The following LRRTM4 variants were observed in gnomAD, a reference collection of about 807,000 sequenced individuals.
LRRTM4 encodes the protein leucine-rich repeat transmembrane neuronal protein 4.
LRRTM4 carries 25 observed loss-of-function variants against 47.6 expected under a neutral mutation model. The ratio of observed to expected loss-of-function variants is 0.53; its 90% CI spans 0.38 to 0.73. The LOEUF (loss-of-function observed/expected upper bound fraction) is 0.73. Ranked by LOEUF, LRRTM4 falls within the 30% of genes least tolerant of loss-of-function variation. The pLI is 0.00. For synonymous variants in LRRTM4, 311 were observed against 269.5 expected (o/e 1.15, Z -1.51); for missense variants, 638 against 713.4 (o/e 0.89, Z 1.20).
intron 3 of LRRTM4, among the ~76,000 whole-genome samples, chr2:77,153,119 C>T (rs1672473080): frequency 6.6e-6 from 1 of 152,122 alleles, no homozygotes; most frequent in Admixed American, 6.5e-5. Flanking sequence ...CTCTGCTGTC[C>T]ATTCTGCACC....
chr2:76,953,393 C>G (rs969815000), intron 3 of LRRTM4, among the ~76,000 whole-genome samples: 2 of 151,772 alleles, frequency 1.3e-5, no homozygotes, highest in East Asian at 2.0e-4. Context: ...TGCTTTGAAA[C>G]GGGCAAAAAT....
At chr2:77,127,229 G>C (rs1300330611) in intron 3 of LRRTM4, among the ~76,000 whole-genome samples, 2 of 152,038 alleles carry the variant, frequency 1.3e-5, no homozygotes, top group African/African-American at 4.8e-5. Context: ...TGCTTTCATA[G>C]GATTTTGAGC....
chr2:76,761,328 T>C lies in LRRTM4; in HGVS notation c.1552-12412A>G, dbSNP rs538154089. Among the ~76,000 whole-genome samples the C allele has an allele frequency of 3.1e-4, 47 of 152,342 alleles. 1 individual carries two copies. Among genetic ancestry groups the C allele is most frequent in the African/African-American group, 1.1e-3 (44 of 41,592 alleles). On this transcript the variant is annotated intron_variant, in intron 3 of 3. Transcript: ENST00000409884. ...CCACTAATTATTCTGTATCACCAAT[T>C]TGAGCCTCTTCACTTGGCCCTATTT...
At position 77,473,214 on chromosome 2, in the gene LRRTM4, AT is replaced by A. The variant is rs571982271; in HGVS notation, c.1551+45103del. Among the ~76,000 whole-genome samples, 23 of 152,276 alleles carry A rather than the reference AT, an allele frequency of 1.5e-4. No individual in the cohort carries two copies. In the South Asian group the frequency reaches 2.7e-3, roughly 18 times the overall value. ...AAGGAGGATACTGAATATAAAAGCA[AT>A]TTGTAAAGGGCTAAATGTTACAATA... On this transcript the variant is annotated intron_variant, in intron 3 of 3. Coordinates refer to ENST00000409884, the MANE Select transcript of LRRTM4 (RefSeq NM_001134745.3).
Position 77,518,503 on chromosome 2 carries a change from G to T in LRRTM4, c.1366C>A (p.Gln456Lys), listed in dbSNP as rs761907162. The change falls in exon 3 of 4, where the codon CAA becomes AAA. Residue 456 changes from glutamine to lysine, a missense_variant. Transcript: ENST00000409884. ...SWKRYPASMK[Q>K]LQQHSLMKRR... ...TTCATAAGAGAGTGTTGCTGGAGTT[G>T]TTTCATGCTGGCTGGGTAGCGTTTC... 6.2e-7 allele frequency: 1 copy of T among 1,613,328 alleles called. No homozygotes were observed. The highest frequency in any genetic ancestry group is 1.7e-5 in the Admixed American group (1 of 59,858).
intron 3 of LRRTM4, among the ~76,000 whole-genome samples, chr2:77,495,499 G>T (rs190381687): frequency 1.8e-4 from 28 of 151,688 alleles, no homozygotes; most frequent in African/African-American, 5.8e-4. Context: ...TTTTTCCTAC[G>T]TTTTATTCTA....
intron 3 of LRRTM4, among the ~76,000 whole-genome samples, chr2:76,852,926 G>A (rs965731344): frequency 2.0e-5 from 3 of 152,074 alleles, no homozygotes; most frequent in African/African-American, 7.2e-5. Context: ...CTTTCAGACA[G>A]GGAAGAATTG....
At chr2:76,924,087 G>A (rs986050082) in intron 3 of LRRTM4, among the ~76,000 whole-genome samples, 2 of 151,968 alleles carry the variant, frequency 1.3e-5, no homozygotes, top group African/African-American at 4.8e-5. Context: ...TAATTACCTG[G>A]CCAGCATTTC....
At chr2:76,934,913 A>G (rs1674890485) in intron 3 of LRRTM4, among the ~76,000 whole-genome samples, 1 of 152,168 alleles carries the variant, frequency 6.6e-6, no homozygotes, top group Admixed American at 6.5e-5. Context: ...TGATTAAAGT[A>G]AAACTTTGGA....
intron 3 of LRRTM4, among the ~76,000 whole-genome samples, chr2:77,329,864 A>G (rs1670904994): frequency 6.6e-6 from 1 of 152,186 alleles, no homozygotes; most frequent in African/African-American, 2.4e-5. Context: ...CAGATGGCCA[A>G]ACTGACAACG....
chr2:77,015,765 C>A (rs1167147544), intron 3 of LRRTM4, among the ~76,000 whole-genome samples: 1 of 152,106 alleles, frequency 6.6e-6, no homozygotes, highest in Admixed American at 6.6e-5. Flanking sequence ...GTCAGAGAAA[C>A]AGAAATACTG....
intron 3 of LRRTM4, among the ~76,000 whole-genome samples, chr2:76,932,530 G>A (rs960614811): frequency 3.3e-5 from 5 of 152,132 alleles, no homozygotes; most frequent in South Asian, 2.1e-4. Context: ...AAGACGGTAC[G>A]CCCTTAGTCT....
chr2:76,901,674 T>C (rs1243694305), intron 3 of LRRTM4, among the ~76,000 whole-genome samples: 1 of 152,184 alleles, frequency 6.6e-6, no homozygotes, highest in Admixed American at 6.6e-5. Context: ...TTACTGTCTG[T>C]AGATATGTGT....
intron 3 of LRRTM4, among the ~76,000 whole-genome samples, chr2:76,914,226 T>G (rs1674167893): frequency 6.6e-6 from 1 of 152,002 alleles, no homozygotes; most frequent in Admixed American, 6.5e-5. Flanking sequence ...ATCAATAACT[T>G]TATATTATTA....
chr2:77,365,761 T>C (rs892801435), intron 3 of LRRTM4, among the ~76,000 whole-genome samples: 11 of 151,380 alleles, frequency 7.3e-5, no homozygotes, highest in Middle Eastern at 3.7e-3. Flanking sequence ...GGTATGTTAG[T>C]GAAAAAAGCT....
intron 3 of LRRTM4, among the ~76,000 whole-genome samples, chr2:76,891,445 T>C (rs1485044461): frequency 6.6e-6 from 1 of 151,632 alleles, no homozygotes; most frequent in Admixed American, 6.6e-5. Context: ...TTGAGAAAAT[T>C]TTCACAGAAC....
intron 3 of LRRTM4, among the ~76,000 whole-genome samples, chr2:77,296,798 T>C (rs968494737): frequency 4.6e-5 from 7 of 152,206 alleles, no homozygotes; most frequent in African/African-American, 1.7e-4. Flanking sequence ...ATTGCTTTTC[T>C]CACATGAATG....
intron 3 of LRRTM4, among the ~76,000 whole-genome samples, chr2:76,820,580 T>C (rs929103905): frequency 2.6e-5 from 4 of 151,776 alleles, no homozygotes; most frequent in African/African-American, 9.7e-5. Context: ...TTTAGATATG[T>C]TGTTAATCTT....
At chr2:77,178,201 A>G (rs867281435) in intron 3 of LRRTM4, among the ~76,000 whole-genome samples, 1 of 152,188 alleles carries the variant, frequency 6.6e-6, no homozygotes, top group African/African-American at 2.4e-5. Context: ...AAAATATAAA[A>G]ACTACCTGGA....
Sources: allele counts gnomAD v4.1 joint callset (sites outside exome capture counted in the v4.1 genomes callset), GRCh38; gene constraint gnomAD v4.1.1; transcripts MANE v1.5; gene names NCBI Gene and HGNC (gene_info 2026-07-23, HGNC 2026-07-21).